The following PRKCQ variants were observed in gnomAD, a reference collection of about 807,000 sequenced individuals.
PRKCQ encodes the protein protein kinase C theta type.
PRKCQ carries 41 observed loss-of-function variants against 91.2 expected under a neutral mutation model. That is an observed-to-expected ratio of 0.45 (90% CI 0.35 to 0.58). PRKCQ has a LOEUF of 0.58. Ranked by LOEUF, PRKCQ falls within the 20% of genes least tolerant of loss-of-function variation. PRKCQ has a pLI of 0.00. For missense variants in PRKCQ, 673 were observed against 896.5 expected, an observed-to-expected ratio of 0.75 and a Z score of 3.18; for synonymous variants, 307 against 316.9, an observed-to-expected ratio of 0.97 and a Z score of 0.33.
chr10:6,570,017 A>T (rs1459131077), intron 1 of PRKCQ, among the ~76,000 whole-genome samples: 1 of 152,028 alleles, frequency 6.6e-6, no homozygotes, highest in Admixed American at 6.6e-5. Context: ...ATCCAGGTTG[A>T]TAAAAGAAGA....
At chr10:6,565,544 G>A (rs568735516) in intron 1 of PRKCQ, among the ~76,000 whole-genome samples, 13 of 152,196 alleles carry the variant, frequency 8.5e-5, no homozygotes, top group Admixed American at 2.6e-4. Context: ...AGCAATGTTC[G>A]CCTTTTTTTT....
chr10:6,462,188 G>C, intron 14 of PRKCQ, 115 bp downstream of exon 14: 1 of 904,756 alleles, frequency 1.1e-6, no homozygotes, highest in East Asian at 2.4e-5. Flanking sequence ...CCTATGTGTG[G>C]AGCTTACTCC....
At chr10:6,559,875 G>A (rs938426208) in intron 1 of PRKCQ, among the ~76,000 whole-genome samples, 2 of 152,076 alleles carry the variant, frequency 1.3e-5, no homozygotes, top group South Asian at 2.1e-4. Context: ...ATATTTATGG[G>A]GCACATGTGG....
At chr10:6,400,251 A>C in the PRKCQ span, among the ~76,000 whole-genome samples, 1 of 152,052 alleles carries the variant, frequency 6.6e-6, no homozygotes, top group African/African-American at 2.4e-5. Flanking sequence ...AAACTATGTA[A>C]TTTACTTGTT....
intron 7 of PRKCQ, 144 bp downstream of exon 7, chr10:6,496,891 A>G (rs1480844485): frequency 1.3e-6 from 1 of 767,642 alleles, no homozygotes; most frequent in Non-Finnish European, 2.2e-6. Context: ...TCATTATTGA[A>G]GAGGAAAGAG....
At chr10:6,566,430 C>T (rs1388850258) in intron 1 of PRKCQ, among the ~76,000 whole-genome samples, 1 of 152,168 alleles carries the variant, frequency 6.6e-6, no homozygotes, top group Non-Finnish European at 1.5e-5. Flanking sequence ...CCCCTCAAAA[C>T]AGCTACAAAA....
At chr10:6,447,732 C>T (rs1360828726) in intron 15 of PRKCQ, among the ~76,000 whole-genome samples, 1 of 152,174 alleles carries the variant, frequency 6.6e-6, no homozygotes, top group Non-Finnish European at 1.5e-5. Flanking sequence ...GTTGTGTGTT[C>T]CTGTGTTTTA....
At chr10:6,396,420 C>T in the PRKCQ span, among the ~76,000 whole-genome samples, 1 of 152,208 alleles carries the variant, frequency 6.6e-6, no homozygotes, top group Non-Finnish European at 1.5e-5. Context: ...GCCTCCGTAC[C>T]CATAGAGGTC....
At chr10:6,420,469 C>T in the PRKCQ span, among the ~76,000 whole-genome samples, 4 of 152,274 alleles carry the variant, frequency 2.6e-5, no homozygotes, top group African/African-American at 9.6e-5. Flanking sequence ...CCTTGGTTTC[C>T]AGGTTCCTGT....
chr10:6,534,100 T>C (rs1296113889), intron 1 of PRKCQ, among the ~76,000 whole-genome samples: 1 of 140,252 alleles, frequency 7.1e-6, no homozygotes, highest in East Asian at 2.1e-4. Flanking sequence ...AATTATTTAA[T>C]ATCATTAAAA....
intron 15 of PRKCQ, among the ~76,000 whole-genome samples, chr10:6,446,236 A>G (rs1357847232): frequency 1.3e-5 from 2 of 151,968 alleles, no homozygotes; most frequent in Non-Finnish European, 1.5e-5. Context: ...TCTCCTAGTT[A>G]GTGAGCTGAG....
intron 10 of PRKCQ, among the ~76,000 whole-genome samples, chr10:6,484,368 T>G (rs1836784683): frequency 6.6e-6 from 1 of 151,988 alleles, no homozygotes; most frequent in Admixed American, 6.6e-5. Context: ...GAGCTGAGAT[T>G]GTGCCACTGC....
chr10:6,452,256 A>C (rs1399144973), intron 15 of PRKCQ, among the ~76,000 whole-genome samples: 1 of 152,244 alleles, frequency 6.6e-6, no homozygotes, highest in Non-Finnish European at 1.5e-5. Flanking sequence ...ATGTACAAAA[A>C]TCACAAGCAT....
At chr10:6,546,586 C>G (rs1839961227) in intron 1 of PRKCQ, among the ~76,000 whole-genome samples, 2 of 152,194 alleles carry the variant, frequency 1.3e-5, no homozygotes, top group South Asian at 4.2e-4. Flanking sequence ...GATTTCGTAT[C>G]CTGAGACTTT....
chr10:6,579,480 G>C (rs1169973023), intron 1 of PRKCQ, among the ~76,000 whole-genome samples: 4 of 152,056 alleles, frequency 2.6e-5, no homozygotes, highest in Non-Finnish European at 5.9e-5. Context: ...CCACGGGGGA[G>C]TGCACACGCC....
At chr10:6,525,910 G>T (rs1839181034) in intron 1 of PRKCQ, among the ~76,000 whole-genome samples, 1 of 152,078 alleles carries the variant, frequency 6.6e-6, no homozygotes, top group Non-Finnish European at 1.5e-5. Context: ...CTAGACCTCA[G>T]CTCTCCCACA....
Position 6,511,073 on chromosome 10 carries a change from G to A in PRKCQ, c.240C>T (p.Asp80=). 1.2e-6 allele frequency: 2 copies of A among 1,614,080 alleles called. No homozygotes were observed. The highest frequency in any genetic ancestry group is 1.7e-6 in the Non-Finnish European group (2 of 1,180,004). The change falls in exon 3 of 18, where the codon GAC becomes GAT. Residue 80 remains aspartate (D), a synonymous_variant. Coordinates refer to ENST00000263125, the MANE Select transcript of PRKCQ (RefSeq NM_006257.5). ...GCTCCACGGTGGTTTCAGAGATGAG[G>A]TCCACGTTTTTGCCTTTCACAATGA... is the stretch of plus-strand genomic sequence containing the variant. The part of the protein sequence containing the change: ...MQIIVKGKNV[D]LISETTVELY...
intron 1 of PRKCQ, among the ~76,000 whole-genome samples, chr10:6,528,904 C>G (rs1351182076): frequency 6.6e-6 from 1 of 152,188 alleles, no homozygotes; most frequent in East Asian, 1.9e-4. Context: ...ATCTTAAGCA[C>G]TATTAGGATG....
chr10:6,507,053 G>A (rs544850426), intron 4 of PRKCQ, among the ~76,000 whole-genome samples: 1 of 152,164 alleles, frequency 6.6e-6, no homozygotes, highest in South Asian at 2.1e-4. Flanking sequence ...TACTTATTTT[G>A]TATTCTACTG....
Sources: allele counts gnomAD v4.1 joint callset (sites outside exome capture counted in the v4.1 genomes callset), GRCh38; gene constraint gnomAD v4.1.1; transcripts MANE v1.5; gene names NCBI Gene and HGNC (gene_info 2026-07-23, HGNC 2026-07-21).